Variants in RABGAP1L observed in about 807,000 individuals in gnomAD.
RABGAP1L encodes the protein RAB GTPase activating protein 1 like.
In RABGAP1L, 63 loss-of-function variants were observed where a neutral mutation model predicts 137.7. That is an observed-to-expected ratio of 0.46 (90% CI 0.37 to 0.56). The LOEUF (loss-of-function observed/expected upper bound fraction) is 0.56. Ranked by LOEUF, RABGAP1L falls within the 20% of genes least tolerant of loss-of-function variation. RABGAP1L has a pLI of 0.00. For synonymous variants in RABGAP1L, 431 were observed against 433.7 expected (o/e 0.99, Z 0.08); for missense variants, 1,095 against 1,244.0 (o/e 0.88, Z 1.80).
At chr1:174,860,955 C>G (rs1012382778) in intron 19 of RABGAP1L, among the ~76,000 whole-genome samples, 3 of 152,040 alleles carry the variant, frequency 2.0e-5, no homozygotes, top group African/African-American at 7.2e-5. Flanking sequence ...CACTTATGAT[C>G]TAGCAAATCT....
At chr1:174,714,059 T>C (rs576425446) in intron 17 of RABGAP1L, among the ~76,000 whole-genome samples, 1 of 152,342 alleles carries the variant, frequency 6.6e-6, no homozygotes, top group South Asian at 2.1e-4. Context: ...TCCCCAGTGG[T>C]ATCCAAAGGT....
chr1:174,642,583 G>T (rs75489471), intron 14 of RABGAP1L, among the ~76,000 whole-genome samples: 2,354 of 152,108 alleles, frequency 0.015, 42 homozygotes, highest in African/African-American at 0.054. Flanking sequence ...CTTTCTTGAT[G>T]TGTCTGAATG....
At chr1:174,317,808 A>T (rs111729486) in intron 11 of RABGAP1L, among the ~76,000 whole-genome samples, 1 of 152,126 alleles carries the variant, frequency 6.6e-6, no homozygotes, top group Non-Finnish European at 1.5e-5. Flanking sequence ...CAGGAACTCA[A>T]ATTTGTACCG....
chr1:174,679,748 C>CTTA (rs1677910234), intron 14 of RABGAP1L, among the ~76,000 whole-genome samples: 1 of 152,144 alleles, frequency 6.6e-6, no homozygotes, highest in Non-Finnish European at 1.5e-5. Context: ...GTGAAGATAC[C>CTTA]ATTCTCCAAA....
chr1:174,569,594 A>G (rs1667833302), intron 13 of RABGAP1L, among the ~76,000 whole-genome samples: 2 of 152,202 alleles, frequency 1.3e-5, no homozygotes, highest in African/African-American at 4.8e-5. Context: ...GGGCACTCTC[A>G]TCCACAGTGT....
chr1:174,931,046 A>G (rs1169603976), intron 19 of RABGAP1L, among the ~76,000 whole-genome samples: 2 of 152,178 alleles, frequency 1.3e-5, no homozygotes, highest in African/African-American at 4.8e-5. Flanking sequence ...AACATTTAAA[A>G]ATCATCCCAT....
intron 13 of RABGAP1L, among the ~76,000 whole-genome samples, chr1:174,589,824 C>A (rs1669422028): frequency 6.6e-6 from 1 of 152,014 alleles, no homozygotes; most frequent in African/African-American, 2.4e-5. Context: ...CTATGTGTTT[C>A]TTTTTATGCC....
At chr1:174,842,308 C>G (rs568194558) in intron 19 of RABGAP1L, among the ~76,000 whole-genome samples, 3 of 152,248 alleles carry the variant, frequency 2.0e-5, no homozygotes, top group African/African-American at 7.2e-5. Flanking sequence ...ACTGATAACC[C>G]CAATATACCC....
chr1:174,956,063 T>A (rs530589120), intron 19 of RABGAP1L, among the ~76,000 whole-genome samples: 13 of 152,328 alleles, frequency 8.5e-5, no homozygotes, highest in Non-Finnish European at 1.5e-4. Flanking sequence ...TTAAAAAAAA[T>A]TTTAAAAATG....
intron 11 of RABGAP1L, among the ~76,000 whole-genome samples, chr1:174,338,447 G>T (rs1314296657): frequency 1.3e-5 from 2 of 151,874 alleles, no homozygotes; most frequent in African/African-American, 4.8e-5. Flanking sequence ...CTTTGACAAA[G>T]AATATATTTT....
intron 19 of RABGAP1L, chr1:174,892,837 C>G (rs1245173986): frequency 3.7e-6 from 1 of 267,924 alleles, no homozygotes; most frequent in East Asian, 1.1e-4. Context: ...TCAAGCGATT[C>G]TCCTGCCTCA....
chr1:174,678,796 C>G (rs903393979), intron 14 of RABGAP1L, among the ~76,000 whole-genome samples: 2 of 152,208 alleles, frequency 1.3e-5, no homozygotes, highest in Non-Finnish European at 2.9e-5. Context: ...ACCCCAGGCA[C>G]TTAGCCTGCA....
intron 10 of RABGAP1L, among the ~76,000 whole-genome samples, chr1:174,292,813 CTA>C (rs945534306): frequency 5.9e-5 from 9 of 152,150 alleles, no homozygotes; most frequent in Non-Finnish European, 2.9e-5. Context: ...TCAACAATTT[CTA>C]TGACTATTAC....
At chr1:174,578,065 A>C (rs1345483487) in intron 13 of RABGAP1L, among the ~76,000 whole-genome samples, 1 of 152,258 alleles carries the variant, frequency 6.6e-6, no homozygotes, top group Non-Finnish European at 1.5e-5. Flanking sequence ...AAATAAGTAT[A>C]GTGGTAAAAT....
chr1:174,161,078 AC>A (rs1364142369), intron 1 of RABGAP1L, among the ~76,000 whole-genome samples: 21 of 152,122 alleles, frequency 1.4e-4, no homozygotes, highest in African/African-American at 5.1e-4. Flanking sequence ...TTAGCTCTAG[AC>A]TTTGAGTTAG....
At chr1:174,946,792 T>G (rs951218246) in intron 19 of RABGAP1L, among the ~76,000 whole-genome samples, 1 of 148,528 alleles carries the variant, frequency 6.7e-6, no homozygotes, top group African/African-American at 2.5e-5. Context: ...TCCCAGTTAC[T>G]CGGGAGGCTG....
At chr1:174,219,604 C>G (rs141973784) in intron 2 of RABGAP1L, among the ~76,000 whole-genome samples, 1 of 152,226 alleles carries the variant, frequency 6.6e-6, no homozygotes, top group East Asian at 1.9e-4. Flanking sequence ...GTTTCTCTTA[C>G]TGCTGGGTTT....
At chr1:174,703,580 T>G (rs1181590151) in intron 17 of RABGAP1L, among the ~76,000 whole-genome samples, 1 of 152,180 alleles carries the variant, frequency 6.6e-6, no homozygotes, top group Non-Finnish European at 1.5e-5. Flanking sequence ...TATACACTGA[T>G]TTCTTTTCCT....
Position 174,896,189 on chromosome 1 carries a change from G to A in RABGAP1L, c.2341-61268G>A, listed in dbSNP as rs1371052385. 3.9e-5 allele frequency among the ~76,000 whole-genome samples: 6 copies of A among 152,316 alleles called. No individual in the cohort carries two copies. In the East Asian group the frequency reaches 1.2e-3, roughly 29 times the overall value. The stretch of plus-strand genomic sequence containing the variant: ...GGTTTTGGTTTGCATTTCTCTGATG[G>A]CCAGTGATGATGAGCATTTTTTCAT... On this transcript the variant is annotated intron_variant, in intron 19 of 25. Coordinates refer to ENST00000681986, the MANE Select transcript of RABGAP1L (RefSeq NM_001366446.1).
Sources: allele counts gnomAD v4.1 joint callset (sites outside exome capture counted in the v4.1 genomes callset), GRCh38; gene constraint gnomAD v4.1.1; transcripts MANE v1.5; gene names NCBI Gene and HGNC (gene_info 2026-07-23, HGNC 2026-07-21).